Variants in CFAP70 observed in about 807,000 individuals in gnomAD.
CFAP70 encodes cilia and flagella associated protein 70.
CFAP70 carries 81 observed loss-of-function variants against 137.6 expected under a neutral mutation model. That is an observed-to-expected ratio of 0.59 (90% CI 0.49 to 0.71). CFAP70 has a LOEUF of 0.71. Among genes scored for constraint, CFAP70 ranks in the 30% least tolerant of loss-of-function variants. The pLI is 0.00. For synonymous variants in CFAP70, 382 were observed against 423.6 expected, an observed-to-expected ratio of 0.90 and a Z score of 1.20; for missense variants, 976 against 1,226.7, an observed-to-expected ratio of 0.80 and a Z score of 3.05.
chr10:73,291,977 A>C, exon 17 of CFAP70: 1 of 1,614,224 alleles, frequency 6.2e-7, no homozygotes, highest in Non-Finnish European at 8.5e-7. Flanking sequence ...ACCATAGTCC[A>C]ACCAGTGATC....
intron 12 of CFAP70, among the ~76,000 whole-genome samples, chr10:73,308,684 A>C (rs903790129): frequency 4.0e-5 from 6 of 151,882 alleles, no homozygotes; most frequent in Non-Finnish European, 7.4e-5. Context: ...GATCACAAGG[A>C]AATAGAACTA....
In CFAP70 at chr10:73,316,501, T is replaced by G. The variant is rs554665977; in HGVS notation, c.913-3858A>C. Among the ~76,000 whole-genome samples the G allele has an allele frequency of 5.4e-4, 74 of 138,084 alleles. 1 individual carries two copies. The South Asian group carries it at 0.012, about 21-fold the overall frequency. 90.6% of individuals were successfully genotyped at this position (138,084 alleles called of 152,430 possible). On this transcript the variant is annotated intron_variant, in intron 9 of 26. Transcript: ENST00000310715. ...ATATAGATATAGATATATATATATA[T>G]ATATATATATATGACGTACACATAA...
chr10:73,271,249 C>T (rs181455735), intron 24 of CFAP70, among the ~76,000 whole-genome samples: 24 of 152,290 alleles, frequency 1.6e-4, no homozygotes, highest in African/African-American at 5.3e-4. Flanking sequence ...CGGTGGCTCA[C>T]GCCTGTAATC....
chr10:73,340,089 G>A (rs140058913), intron 6 of CFAP70, among the ~76,000 whole-genome samples: 44 of 152,346 alleles, frequency 2.9e-4, no homozygotes, highest in Middle Eastern at 3.4e-3. Flanking sequence ...GACTCACTGA[G>A]TAGTGGTAGC....
chr10:73,330,114 T>C (rs1228164199), intron 8 of CFAP70, among the ~76,000 whole-genome samples: 1 of 152,202 alleles, frequency 6.6e-6, no homozygotes, highest in Non-Finnish European at 1.5e-5. Context: ...AAATAATCTC[T>C]TTGATTTCAT....
In CFAP70 at chr10:73,256,428, G is replaced by A. The variant is rs1419441608; in HGVS notation, c.3028-12C>T. 3 of 1,613,922 alleles carry A rather than the reference G, an allele frequency of 1.9e-6. No homozygotes were observed. The African/African-American group carries it at 4.0e-5, about 22-fold the overall frequency. ...AATTGCCGTCCAACCTGAAAAAAGTGCAGCAGTTGGTGATGATGACAGGTC... is the reference window on the plus strand; with the variant it reads ...AATTGCCGTCCAACCTGAAAAAAGTACAGCAGTTGGTGATGATGACAGGTC... On this transcript the variant is annotated splice_polypyrimidine_tract_variant and intron_variant, in intron 25 of 26. Coordinates refer to ENST00000310715, the Ensembl canonical transcript of CFAP70.
rs531771050 is a variant in CFAP70, at chr10:73,275,306, T to C, written c.2673+140A>G. 1.2e-5 allele frequency: 11 copies of C among 892,760 alleles called. No individual in the cohort carries two copies. The highest frequency in any genetic ancestry group is 9.8e-5 in the Admixed American group (3 of 30,552). 55.3% of individuals were successfully genotyped at this position (892,760 alleles called of 1,614,324 possible). ...CTCATGATTACTTAAGAAAAGCAAATGGAAGGGTATAGAGAGATGAGTTTA... is the reference window on the plus strand; with the variant it reads ...CTCATGATTACTTAAGAAAAGCAAACGGAAGGGTATAGAGAGATGAGTTTA... On this transcript the variant is annotated intron_variant, in intron 22 of 26. Coordinates refer to ENST00000310715, the Ensembl canonical transcript of CFAP70. The surrounding 1 kb of genome is among the most constrained non-coding windows in gnomAD (Gnocchi z 4.0).
Position 73,312,562 on chromosome 10 carries a change from G to A in CFAP70, c.994C>T (p.Leu332=), listed in dbSNP as rs763349375. The A allele has an allele frequency of 3.1e-6, 5 of 1,612,014 alleles. No homozygotes were observed. The South Asian group carries it at 3.3e-5, about 11-fold the overall frequency. ...TTCTTAGAAACAGCTTGTTTGGACA[G>A]CAGAGAATTAATTCCTCCTATTTTA... The change falls in exon 10 of 27, where the codon CTG becomes TTG. Residue 332 remains leucine, a synonymous_variant. Coordinates refer to ENST00000310715, the Ensembl canonical transcript of CFAP70.
intron 9 of CFAP70, among the ~76,000 whole-genome samples, chr10:73,319,076 A>T (rs2050639548): frequency 6.6e-6 from 1 of 152,250 alleles, no homozygotes; most frequent in African/African-American, 2.4e-5. Flanking sequence ...CCCAGAAATA[A>T]ATAAGTAACT....
intron 8 of CFAP70, among the ~76,000 whole-genome samples, chr10:73,327,421 C>A (rs201671755): frequency 0.067 from 9,466 of 141,446 alleles, 510 homozygotes; most frequent in East Asian, 0.22. Flanking sequence ...CCTTTGAAAA[C>A]TGGCACAAGA....
chr10:73,270,502 T>TC (rs2046189517), intron 24 of CFAP70, among the ~76,000 whole-genome samples: 1 of 2,316 alleles, frequency 4.3e-4, no homozygotes, highest in African/African-American at 1.4e-3. Context: ...TTCCTTCCCT[T>TC]CCCTTCCCCT....
At chr10:73,278,297 T>G in exon 20 of CFAP70, 1 of 1,614,044 alleles carries the variant, frequency 6.2e-7, no homozygotes, top group Non-Finnish European at 8.5e-7. Context: ...TGGAGGATTC[T>G]TCAAGAAATT....
intron 5 of CFAP70, among the ~76,000 whole-genome samples, chr10:73,342,891 A>G (rs911160796): frequency 1.3e-5 from 2 of 152,014 alleles, no homozygotes; most frequent in African/African-American, 4.8e-5. Flanking sequence ...CCTGGCCAAT[A>G]TGGTGAAACC....
chr10:73,348,853 G>A (rs1370058568), intron 3 of CFAP70, among the ~76,000 whole-genome samples: 2 of 151,944 alleles, frequency 1.3e-5, no homozygotes, highest in African/African-American at 4.8e-5. Context: ...ACCTGAGGTT[G>A]GGAGTTCGAG....
chr10:73,349,186 T>C (rs2053978443), intron 3 of CFAP70, among the ~76,000 whole-genome samples: 1 of 152,100 alleles, frequency 6.6e-6, no homozygotes, highest in African/African-American at 2.4e-5. Flanking sequence ...AACTTACTGG[T>C]CATAATGCCC....
intron 17 of CFAP70, 40 bp downstream of exon 18, chr10:73,291,840 TG>T (rs1288372795): frequency 6.2e-7 from 1 of 1,613,762 alleles, no homozygotes; most frequent in East Asian, 2.2e-5. Flanking sequence ...GAAACTTATC[TG>T]TTCCTTCCCA....
At chr10:73,358,824 C>T (rs1334608318), upstream of CFAP70, 1 of 152,292 alleles carries the variant, frequency 6.6e-6, no homozygotes, top group Non-Finnish European at 1.5e-5. Flanking sequence ...CGCGATAACC[C>T]TCTGGGGCCG....
At chr10:73,310,655 T>A (rs1415163730) in intron 11 of CFAP70, among the ~76,000 whole-genome samples, 1 of 152,220 alleles carries the variant, frequency 6.6e-6, no homozygotes, top group African/African-American at 2.4e-5. Context: ...CACTACCATC[T>A]ACCAACTCCA....
chr10:73,274,661 G>C, intron 22 of CFAP70, 67 bp from the exon 24 acceptor site: 2 of 1,347,198 alleles, frequency 1.5e-6, no homozygotes, highest in Non-Finnish European at 2.0e-6. Flanking sequence ...GATGATCTTT[G>C]TTTAACATTT....
Sources: gnomAD v4.1 joint callset for allele counts (sites outside exome capture counted in the v4.1 genomes callset) on GRCh38, gnomAD v4.1.1 for gene constraint, Gnocchi (gnomAD v3.1) non-coding constraint, MANE v1.5 for transcripts, NCBI Gene and HGNC (gene_info 2026-07-23, HGNC 2026-07-21) for gene names.